KHDRBS2: variants seen among roughly 807,000 people sequenced by gnomAD.
The protein encoded by KHDRBS2 is KH RNA binding domain containing, signal transduction associated 2.
In KHDRBS2, 26 loss-of-function variants were observed where a neutral mutation model predicts 44.3. The ratio of observed to expected loss-of-function variants is 0.59; its 90% CI spans 0.43 to 0.81. The LOEUF (loss-of-function observed/expected upper bound fraction) is 0.81, where lower values mean the gene tolerates loss of function less well. Among genes scored for constraint, KHDRBS2 ranks in the 40% least tolerant of loss-of-function variants. The probability of loss-of-function intolerance (pLI) is 0.00; values close to 1 mark genes in which losing one functional copy is unlikely to be tolerated. For synonymous variants in KHDRBS2, 194 were observed against 151.1 expected (o/e 1.28, Z -2.08); for missense variants, 476 against 433.1 (o/e 1.10, Z -0.88).
intron 6 of KHDRBS2, among the ~76,000 whole-genome samples, chr6:61,810,870 T>C (rs1788011228): frequency 6.6e-6 from 1 of 152,108 alleles, no homozygotes. Flanking sequence ...GACTAATGTG[T>C]TTTTTAAATG....
chr6:61,793,976 G>A (rs879741374), intron 6 of KHDRBS2, among the ~76,000 whole-genome samples: 1 of 152,062 alleles, frequency 6.6e-6, no homozygotes, highest in Non-Finnish European at 1.5e-5. Context: ...GACAATTTCG[G>A]TACTGTGTTA....
chr6:61,600,183 A>T, the KHDRBS2 span, among the ~76,000 whole-genome samples: 8 of 152,184 alleles, frequency 5.3e-5, no homozygotes, highest in African/African-American at 1.9e-4. Flanking sequence ...TATGAGTGGT[A>T]AGTGTCAGGC....
intron 6 of KHDRBS2, among the ~76,000 whole-genome samples, chr6:61,874,025 ACTCT>A (rs770228920): frequency 2.2e-4 from 33 of 151,944 alleles, no homozygotes; most frequent in Middle Eastern, 3.4e-3. Context: ...AATGGTATGA[ACTCT>A]CTCTATATAT....
chr6:61,561,693 C>T, the KHDRBS2 span, among the ~76,000 whole-genome samples: 10 of 152,234 alleles, frequency 6.6e-5, no homozygotes, highest in South Asian at 4.1e-4. Flanking sequence ...AAAGACTCTT[C>T]GGTCAGCTTG....
chr6:61,933,180 A>G (rs1252331815), intron 4 of KHDRBS2, among the ~76,000 whole-genome samples: 4 of 152,146 alleles, frequency 2.6e-5, no homozygotes, highest in African/African-American at 9.7e-5. Context: ...AGGAAGAGGA[A>G]GAGAGAGAAG....
At chr6:61,914,630 C>T (rs900335293) in intron 4 of KHDRBS2, among the ~76,000 whole-genome samples, 2 of 152,022 alleles carry the variant, frequency 1.3e-5, no homozygotes, top group African/African-American at 4.8e-5. Context: ...GCACGTTGTG[C>T]ACATGTACCC....
At chr6:61,645,365 T>C in the KHDRBS2 span, among the ~76,000 whole-genome samples, 128 of 152,058 alleles carry the variant, frequency 8.4e-4, no homozygotes, top group African/African-American at 2.9e-3. Flanking sequence ...TATTGGGTAC[T>C]AGGCTTAGCA....
chr6:61,956,288 C>G (rs1290014007), intron 4 of KHDRBS2, among the ~76,000 whole-genome samples: 4 of 152,156 alleles, frequency 2.6e-5, no homozygotes, highest in Admixed American at 2.6e-4. Context: ...AATTCTGATT[C>G]TTGTGAACCA....
At chr6:61,936,697 C>T (rs569669994) in intron 4 of KHDRBS2, among the ~76,000 whole-genome samples, 1 of 151,930 alleles carries the variant, frequency 6.6e-6, no homozygotes, top group East Asian at 1.9e-4. Context: ...AATTATTGTT[C>T]TCTAACTTGA....
chr6:62,110,326 A>C (rs1804702237), intron 2 of KHDRBS2, among the ~76,000 whole-genome samples: 1 of 152,062 alleles, frequency 6.6e-6, no homozygotes, highest in Non-Finnish European at 1.5e-5. Flanking sequence ...AATCATAGTT[A>C]ATTACCCAAG....
intron 6 of KHDRBS2, among the ~76,000 whole-genome samples, chr6:61,790,115 C>A (rs1336505459): frequency 6.6e-6 from 1 of 151,266 alleles, no homozygotes; most frequent in Non-Finnish European, 1.5e-5. Context: ...ATGGATTGTA[C>A]TGACCAAAAT....
At chr6:61,656,272 A>G in the KHDRBS2 span, among the ~76,000 whole-genome samples, 2 of 151,976 alleles carry the variant, frequency 1.3e-5, no homozygotes, top group Non-Finnish European at 2.9e-5. Context: ...TACTAATAGA[A>G]TATACTTATT....
At chr6:62,022,322 T>C (rs1395941754) in intron 3 of KHDRBS2, among the ~76,000 whole-genome samples, 1 of 151,730 alleles carries the variant, frequency 6.6e-6, no homozygotes, top group Admixed American at 6.6e-5. Flanking sequence ...CCAATTGCAT[T>C]GGGAATTTAT....
intron 4 of KHDRBS2, among the ~76,000 whole-genome samples, chr6:61,946,546 C>A (rs1583663368): frequency 6.6e-6 from 1 of 152,188 alleles, no homozygotes; most frequent in South Asian, 2.1e-4. Flanking sequence ...CAGTCAAATC[C>A]GGGCAAGAAT....
chr6:61,680,987 C>G lies in KHDRBS2; in HGVS notation c.1026G>C (p.Arg342Ser). 1 of 1,610,496 alleles carries G rather than the reference C, an allele frequency of 6.2e-7. No individual in the cohort carries two copies. Among genetic ancestry groups the G allele is most frequent in the Non-Finnish European group, 8.5e-7 (1 of 1,177,624 alleles). Residue 342 changes from arginine (R) to serine (S), a missense_variant, in exon 9 of 9, where the codon AGG (arginine) becomes AGC (serine). Physicochemically the swap from Arg to Ser is moderately radical, Grantham distance 110. Coordinates refer to ENST00000281156, the MANE Select transcript of KHDRBS2 (RefSeq NM_152688.4). ...PPQRSARGGY[R>S]EHPYGRY ...TTCAATATCTACCATAGGGGTGTTC[C>G]CTGTATCCCCCTCTGGCTGACCTTT...
chr6:62,114,145 T>C (rs1377274502), intron 2 of KHDRBS2, among the ~76,000 whole-genome samples: 7 of 152,216 alleles, frequency 4.6e-5, no homozygotes, highest in Admixed American at 1.3e-4. Flanking sequence ...TACGTCCTAC[T>C]AGGTCCCTCT....
At chr6:62,107,124 A>G (rs1206139685) in intron 2 of KHDRBS2, among the ~76,000 whole-genome samples, 1 of 151,812 alleles carries the variant, frequency 6.6e-6, no homozygotes, top group Non-Finnish European at 1.5e-5. Flanking sequence ...AATAAAGGGT[A>G]TTCAATTAGG....
chr6:62,061,330 T>C (rs928541648), intron 2 of KHDRBS2, among the ~76,000 whole-genome samples: 2 of 151,908 alleles, frequency 1.3e-5, no homozygotes, highest in Non-Finnish European at 2.9e-5. Context: ...CCTTTCCATG[T>C]TCAGCGCTTC....
At chr6:62,099,768 C>A (rs1320572688) in intron 2 of KHDRBS2, among the ~76,000 whole-genome samples, 1 of 152,172 alleles carries the variant, frequency 6.6e-6, no homozygotes, top group Non-Finnish European at 1.5e-5. Context: ...GTAGACCTAC[C>A]TGCTGCTGAG....
Sources: gnomAD v4.1 joint callset for allele counts (sites outside exome capture counted in the v4.1 genomes callset) on GRCh38, gnomAD v4.1.1 for gene constraint, MANE v1.5 for transcripts, NCBI Gene and HGNC (gene_info 2026-07-23, HGNC 2026-07-21) for gene names.